The following NHEJ1 variants were observed in gnomAD, a reference collection of about 807,000 sequenced individuals.
The protein encoded by NHEJ1 is non-homologous end-joining factor 1.
A neutral mutation model predicts 39.4 loss-of-function variants in NHEJ1; 22 were observed. That is an observed-to-expected ratio of 0.56 (90% CI 0.40 to 0.80). The LOEUF is 0.80. NHEJ1 is among the 30% of genes least tolerant of loss of function. The pLI, the probability that NHEJ1 is intolerant of heterozygous loss-of-function variation, is 0.00. For synonymous variants in NHEJ1, 154 were observed against 135.6 expected (o/e 1.14, Z -0.94); for missense variants, 329 against 357.1 (o/e 0.92, Z 0.63).
chr2:219,104,584 A>G (rs1949297083), intron 5 of NHEJ1, among the ~76,000 whole-genome samples: 1 of 152,176 alleles, frequency 6.6e-6, no homozygotes, highest in African/African-American at 2.4e-5. Context: ...TACATAATAA[A>G]CGAAGAGAAC....
intron 3 of NHEJ1, among the ~76,000 whole-genome samples, chr2:219,153,620 AC>A (rs1436150375): frequency 7.0e-6 from 1 of 142,648 alleles, no homozygotes; most frequent in Non-Finnish European, 1.5e-5. Flanking sequence ...TGAGAGGATC[AC>A]TTGAGCTGAG....
At chr2:219,152,789 T>TTATTTTTATTTATTTATTTATTTATTTA (rs60094718) in intron 3 of NHEJ1, among the ~76,000 whole-genome samples, 4 of 87,784 alleles carry the variant, frequency 4.6e-5, no homozygotes, top group East Asian at 2.5e-4. Flanking sequence ...ATTTATTTAT[T>TTATTTTTATTTATTTATTTATTTATTTA]TTTATTTATT....
intron 5 of NHEJ1, among the ~76,000 whole-genome samples, chr2:219,082,547 A>G (rs1016409354): frequency 3.3e-5 from 5 of 152,236 alleles, no homozygotes; most frequent in African/African-American, 1.2e-4. Flanking sequence ...AGAAACTTCT[A>G]GAATCCTGGG....
chr2:219,134,616 C>G (rs1448681135), intron 5 of NHEJ1, among the ~76,000 whole-genome samples: 3 of 152,180 alleles, frequency 2.0e-5, no homozygotes, highest in Non-Finnish European at 4.4e-5. Flanking sequence ...CTCATGGCAT[C>G]AAATATCATT....
chr2:219,154,403 G>A (rs1559204375), intron 3 of NHEJ1, among the ~76,000 whole-genome samples: 1 of 152,058 alleles, frequency 6.6e-6, no homozygotes. Flanking sequence ...TAGGGAACGG[G>A]GTAGAAAGAT....
chr2:219,076,598 C>T, intron 7 of NHEJ1, 143 bp from the exon 8 acceptor site: 1 of 716,028 alleles, frequency 1.4e-6, no homozygotes, highest in Non-Finnish European at 2.2e-6. Flanking sequence ...GGCTGGAGTA[C>T]ATGGGCACAA....
intron 5 of NHEJ1, among the ~76,000 whole-genome samples, chr2:219,110,327 G>A (rs1027042888): frequency 4.6e-5 from 7 of 152,158 alleles, no homozygotes; most frequent in Middle Eastern, 3.4e-3. Context: ...ACCAGCCTGT[G>A]TAACATGGAA....
intron 5 of NHEJ1, among the ~76,000 whole-genome samples, chr2:219,145,666 G>A (rs1013574986): frequency 1.3e-5 from 2 of 151,878 alleles, no homozygotes; most frequent in African/African-American, 4.8e-5. Flanking sequence ...GGGCGCAGTG[G>A]CTCACACTTG....
At chr2:219,140,939 G>C (rs1192307430) in intron 5 of NHEJ1, among the ~76,000 whole-genome samples, 11 of 152,166 alleles carry the variant, frequency 7.2e-5, no homozygotes, top group Non-Finnish European at 1.5e-5. Flanking sequence ...AGGAAACCGG[G>C]AGCCACTAAA....
chr2:219,105,828 C>A (rs546468809), intron 5 of NHEJ1, among the ~76,000 whole-genome samples: 1 of 152,128 alleles, frequency 6.6e-6, no homozygotes, highest in African/African-American at 2.4e-5. Flanking sequence ...TCCCATGGTA[C>A]GTTACTTGGA....
chr2:219,094,819 CAGA>C (rs564066254), intron 5 of NHEJ1, among the ~76,000 whole-genome samples: 58 of 152,282 alleles, frequency 3.8e-4, no homozygotes, highest in African/African-American at 1.3e-3. Context: ...CCCTACGCAA[CAGA>C]ACAGCACTCC....
intron 3 of NHEJ1, among the ~76,000 whole-genome samples, chr2:219,149,862 A>C (rs1949778907): frequency 1.3e-5 from 2 of 152,236 alleles, no homozygotes; most frequent in South Asian, 4.1e-4. Flanking sequence ...AAGCAGCCAC[A>C]GACAATATGT....
intron 5 of NHEJ1, among the ~76,000 whole-genome samples, chr2:219,093,809 A>G (rs1262421237): frequency 1.3e-5 from 2 of 152,270 alleles, no homozygotes; most frequent in African/African-American, 4.8e-5. Context: ...ACACAGTGAA[A>G]CCAAATCAAA....
Position 219,106,160 on chromosome 2 carries a change from A to G in NHEJ1, c.589-27954T>C, listed in dbSNP as rs1227298957. Reference sequence around the variant, plus strand: ...TCAGATCCCAGGACTAGGAGGCATCATGCCTTGAAGACAGAGAAATGGTCT... The same window carrying G: ...TCAGATCCCAGGACTAGGAGGCATCGTGCCTTGAAGACAGAGAAATGGTCT... On this transcript the variant is annotated intron_variant, in intron 5 of 7. Coordinates refer to ENST00000356853, the MANE Select transcript of NHEJ1 (RefSeq NM_024782.3). Among the ~76,000 whole-genome samples the G allele has an allele frequency of 2.0e-5, 3 of 152,244 alleles. No homozygotes were observed. The East Asian group carries it at 5.8e-4, about 29-fold the overall frequency.
intron 5 of NHEJ1, 35 bp downstream of exon 5, chr2:219,146,645 G>C: frequency 1.3e-6 from 2 of 1,547,890 alleles, no homozygotes; most frequent in Non-Finnish European, 1.8e-6. Context: ...GAGGAAGTAG[G>C]GCAAAGACAC....
chr2:219,152,980 T>A (rs1340363544), intron 3 of NHEJ1, among the ~76,000 whole-genome samples: 1 of 151,896 alleles, frequency 6.6e-6, no homozygotes. Context: ...TTTTTGTATT[T>A]TTAGTAGAGA....
intron 3 of NHEJ1, among the ~76,000 whole-genome samples, chr2:219,149,587 G>C (rs1949776463): frequency 6.6e-6 from 1 of 152,156 alleles, no homozygotes; most frequent in African/African-American, 2.4e-5. Context: ...TTACACTCCA[G>C]CCTGGGTGAC....
At chr2:219,094,364 C>T (rs954055961) in intron 5 of NHEJ1, among the ~76,000 whole-genome samples, 9 of 152,116 alleles carry the variant, frequency 5.9e-5, no homozygotes, top group African/African-American at 2.2e-4. Context: ...ACTGTGGAAG[C>T]GGAGGTTGTG....
At chr2:219,102,960 C>A (rs1392505075) in intron 5 of NHEJ1, among the ~76,000 whole-genome samples, 2 of 136,062 alleles carry the variant, frequency 1.5e-5, no homozygotes, top group African/African-American at 5.8e-5. Context: ...AGCCGAGATC[C>A]CGCCACTGCA....
Sources: gnomAD v4.1 joint callset for allele counts (sites outside exome capture counted in the v4.1 genomes callset) on GRCh38, gnomAD v4.1.1 for gene constraint, MANE v1.5 for transcripts, NCBI Gene and HGNC (gene_info 2026-07-23, HGNC 2026-07-21) for gene names.